CEP63: variants seen among roughly 807,000 people sequenced by gnomAD.
CEP63 encodes the protein centrosomal protein 63.
CEP63 carries 84 observed loss-of-function variants against 89.1 expected under a neutral mutation model. The ratio of observed to expected loss-of-function variants is 0.94; its 90% CI spans 0.79 to 1.13. The LOEUF is 1.13. CEP63 is among the 50% of genes most tolerant of loss of function. The pLI is 0.00. For missense variants in CEP63, 838 were observed against 813.3 expected (o/e 1.03, Z -0.37); for synonymous variants, 267 against 272.5 (o/e 0.98, Z 0.20).
At chr3:134,499,403 CT>C (rs2108195792) in intron 2 of CEP63, among the ~76,000 whole-genome samples, 1 of 152,150 alleles carries the variant, frequency 6.6e-6, no homozygotes, top group South Asian at 2.1e-4. Flanking sequence ...TGGGTCTTCT[CT>C]TTTTTCTTGG....
chr3:134,708,455 C>G, the CEP63 span, among the ~76,000 whole-genome samples: 1 of 152,224 alleles, frequency 6.6e-6, no homozygotes, highest in Non-Finnish European at 1.5e-5. Flanking sequence ...ATGAAGGGCC[C>G]TGTCAGGCCT....
At chr3:134,655,959 T>G in the CEP63 span, among the ~76,000 whole-genome samples, 1 of 152,150 alleles carries the variant, frequency 6.6e-6, no homozygotes, top group Non-Finnish European at 1.5e-5. Flanking sequence ...TCAGGAGCAG[T>G]AGCCCTGCCA....
the CEP63 span, chr3:134,620,675 G>A: frequency 9.6e-7 from 1 of 1,037,670 alleles, no homozygotes; most frequent in South Asian, 1.4e-5. Flanking sequence ...ACGTGAATAA[G>A]CTGATAGGAG....
the CEP63 span, among the ~76,000 whole-genome samples, chr3:134,713,844 T>C: frequency 6.6e-6 from 1 of 152,226 alleles, no homozygotes; most frequent in Admixed American, 6.5e-5. Flanking sequence ...ATTTGTAAAA[T>C]GAAAGTAATC....
downstream of CEP63, among the ~76,000 whole-genome samples, chr3:134,591,171 A>G (rs1958589398): frequency 6.6e-6 from 1 of 152,238 alleles, no homozygotes; most frequent in South Asian, 2.1e-4. Flanking sequence ...AACTGTAGGT[A>G]GGAAATTATT....
At chr3:134,572,306 A>G (rs1577497544) in intron 11 of CEP63, among the ~76,000 whole-genome samples, 1 of 152,160 alleles carries the variant, frequency 6.6e-6, no homozygotes, top group South Asian at 2.1e-4. Context: ...GGTTTGTTAC[A>G]TGGGTGTACT....
At chr3:134,630,877 G>T in the CEP63 span, among the ~76,000 whole-genome samples, 1 of 152,248 alleles carries the variant, frequency 6.6e-6, no homozygotes, top group East Asian at 1.9e-4. Context: ...TGAGATAAAT[G>T]GAAAGATATA....
chr3:134,504,103 G>GTC (rs1035408414), intron 2 of CEP63, among the ~76,000 whole-genome samples: 2 of 146,148 alleles, frequency 1.4e-5, no homozygotes, highest in Admixed American at 6.8e-5. Context: ...GTGTAATTTG[G>GTC]TCTCTCTCTC....
the CEP63 span, among the ~76,000 whole-genome samples, chr3:134,719,649 G>A: frequency 6.6e-6 from 1 of 152,006 alleles, no homozygotes; most frequent in Admixed American, 6.6e-5. Flanking sequence ...CCCTATCCCA[G>A]CCTTAAACAA....
chr3:134,747,568 C>T, the CEP63 span, among the ~76,000 whole-genome samples: 2 of 152,220 alleles, frequency 1.3e-5, no homozygotes, highest in African/African-American at 2.4e-5. Context: ...AAAAGTTCCA[C>T]GTGAGCTCAG....
In CEP63 at chr3:134,562,158, ATG is replaced by A. The variant is rs764358159; in HGVS notation, c.*624_*625del. 6.2e-5 allele frequency: 61 copies of A among 987,354 alleles called. No individual in the cohort carries two copies. Among genetic ancestry groups the A allele is most frequent in the Non-Finnish European group, 6.9e-5 (57 of 831,334 alleles). 61.2% of individuals were successfully genotyped at this position (987,354 alleles called of 1,614,324 possible). A position where few individuals can be genotyped will look rare whatever the true frequency, so the allele number is the denominator to read the frequency against. ...CAGGGAGGGCAAGGGACTGGCTGTC[ATG>A]CACGGTGCCCATGGAATATCCATTG... is the stretch of plus-strand genomic sequence containing the variant. On this transcript the variant is annotated 3_prime_UTR_variant, in exon 15 of 15. Transcript: ENST00000675561.
chr3:134,544,933 C>T (rs972283591), intron 6 of CEP63, among the ~76,000 whole-genome samples: 13 of 152,152 alleles, frequency 8.5e-5, no homozygotes, highest in Middle Eastern at 3.4e-3. Flanking sequence ...CTGCAACTTC[C>T]GCTTCCTGGG....
the CEP63 span, among the ~76,000 whole-genome samples, chr3:134,628,455 T>TG: frequency 6.6e-6 from 1 of 152,032 alleles, no homozygotes; most frequent in Non-Finnish European, 1.5e-5. Flanking sequence ...GAGTTGAAGG[T>TG]GGGGATGCCA....
the CEP63 span, among the ~76,000 whole-genome samples, chr3:134,750,743 T>C: frequency 2.6e-5 from 4 of 152,196 alleles, no homozygotes; most frequent in Admixed American, 2.6e-4. Flanking sequence ...CATGAGTCTT[T>C]CTTGCCTAGA....
At chr3:134,527,287 G>A (rs2108911851) in intron 3 of CEP63, among the ~76,000 whole-genome samples, 1 of 152,272 alleles carries the variant, frequency 6.6e-6, no homozygotes, top group East Asian at 1.9e-4. Flanking sequence ...TGGGGGCAGG[G>A]CGCTGGCAGT....
chr3:134,693,343 G>A, the CEP63 span, among the ~76,000 whole-genome samples: 1 of 152,170 alleles, frequency 6.6e-6, no homozygotes, highest in Non-Finnish European at 1.5e-5. Flanking sequence ...CATACCTGGA[G>A]ATAGGACAGC....
the CEP63 span, among the ~76,000 whole-genome samples, chr3:134,598,964 C>T: frequency 1.3e-5 from 2 of 152,250 alleles, no homozygotes; most frequent in East Asian, 3.8e-4. Flanking sequence ...TGGGCTTTCT[C>T]CAGCCCCTTG....
the CEP63 span, among the ~76,000 whole-genome samples, chr3:134,700,333 T>G: frequency 6.6e-5 from 10 of 152,290 alleles, no homozygotes; most frequent in African/African-American, 2.4e-4. Flanking sequence ...CATGTCCTCC[T>G]CCAATCTATT....
chr3:134,546,020 C>A (rs1953227834), intron 7 of CEP63, 129 bp from the exon 8 acceptor site: 3 of 1,043,678 alleles, frequency 2.9e-6, no homozygotes, highest in Non-Finnish European at 2.8e-6. Flanking sequence ...AACTTATAGT[C>A]TGACTTCCTG....
Sources: allele counts gnomAD v4.1 joint callset (sites outside exome capture counted in the v4.1 genomes callset), GRCh38; gene constraint gnomAD v4.1.1; transcripts MANE v1.5; gene names NCBI Gene and HGNC (gene_info 2026-07-23, HGNC 2026-07-21).